The following FBXO3 variants were observed in gnomAD, a reference collection of about 807,000 sequenced individuals.
FBXO3 encodes the protein F-box only protein 3.
In FBXO3, 17 loss-of-function variants were observed where a neutral mutation model predicts 64.8. The ratio of observed to expected loss-of-function variants is 0.26; its 90% CI spans 0.18 to 0.39. FBXO3 has a LOEUF of 0.39. Among genes scored for constraint, FBXO3 ranks in the 10% least tolerant of loss-of-function variants. The pLI, the probability that FBXO3 is intolerant of heterozygous loss-of-function variation, is 1.00. For synonymous variants in FBXO3, 182 were observed against 201.6 expected (o/e 0.90, Z 0.82); for missense variants, 420 against 589.9 (o/e 0.71, Z 2.98).
intron 4 of FBXO3, among the ~76,000 whole-genome samples, chr11:33,758,071 T>C (rs534836866): frequency 6.6e-6 from 1 of 152,336 alleles, no homozygotes; most frequent in Non-Finnish European, 1.5e-5. Context: ...TTTAGTGTAG[T>C]GTATGCAGCT....
At chr11:33,763,319 AGGCCAAAC>A (rs1564992973) in intron 3 of FBXO3, 1 of 437,624 alleles carries the variant, frequency 2.3e-6, no homozygotes, top group Non-Finnish European at 4.6e-6. Context: ...GGAAAATTAC[AGGCCAAAC>A]TCTCATGAAC....
intron 10 of FBXO3, 65 bp downstream of exon 10, chr11:33,747,065 G>C: frequency 6.3e-7 from 1 of 1,578,814 alleles, no homozygotes; most frequent in Admixed American, 2.1e-5. Flanking sequence ...CTATTTGCCT[G>C]GCTTATCTGC....
At chr11:33,746,540 T>G (rs7120610) in intron 10 of FBXO3, 156,912 of 605,472 alleles carry the variant, frequency 0.26, 21,613 homozygotes, top group African/African-American at 0.37. Flanking sequence ...TCAATTGCAT[T>G]CTGGGTATAT....
At chr11:33,764,990 A>C (rs995001589) in intron 3 of FBXO3, among the ~76,000 whole-genome samples, 3 of 152,140 alleles carry the variant, frequency 2.0e-5, no homozygotes, top group African/African-American at 4.8e-5. Context: ...AACAAACAAA[A>C]AAAACTGTCA....
At chr11:33,758,641 C>T in intron 3 of FBXO3, 40 bp from the exon 4 acceptor site, 1 of 1,413,482 alleles carries the variant, frequency 7.1e-7, no homozygotes, top group Non-Finnish European at 9.7e-7. Flanking sequence ...GAAGAAACAG[C>T]CTTAAATCTA....
Position 33,741,897 on chromosome 11 carries a change from C to G in FBXO3, c.*11G>C, listed in dbSNP as rs1349280097. On this transcript the variant is annotated 3_prime_UTR_variant, in exon 11 of 11. Transcript: ENST00000265651. Reference sequence around the variant, plus strand: ...AGAATCATCCTAGTGCTTCCATCAGCAGAAGGCTTGCTAAAAAAGGCGTGA... The same window carrying G: ...AGAATCATCCTAGTGCTTCCATCAGGAGAAGGCTTGCTAAAAAAGGCGTGA... The G allele has an allele frequency of 6.2e-7, 1 of 1,607,566 alleles. No individual in the cohort carries two copies. The highest frequency in any genetic ancestry group is 1.3e-5 in the African/African-American group (1 of 74,700).
Position 33,774,448 on chromosome 11 carries a change from G to C in FBXO3, c.50C>G (p.Pro17Arg), listed in dbSNP as rs1855590332. Residue 17 changes from proline (P) to arginine (R), a missense_variant, in exon 1 of 11, where the codon CCC (proline) becomes CGC (arginine). By Grantham distance (103) the Pro-to-Arg change is moderately radical. Coordinates refer to ENST00000265651, the MANE Select transcript of FBXO3 (RefSeq NM_012175.4). ...ETAPLTLESLPTDPLLLILSF... is the reference protein window; with the variant it reads ...ETAPLTLESLRTDPLLLILSF... Reference sequence around the variant, plus strand: ...TAAGATGAGGAGCAGGGGATCGGTGGGCAGCGACTCTAGGGTCAGCGGCGC... The same window carrying C: ...TAAGATGAGGAGCAGGGGATCGGTGCGCAGCGACTCTAGGGTCAGCGGCGC... 6.2e-7 allele frequency: 1 copy of C among 1,601,736 alleles called. No homozygotes were observed. Among genetic ancestry groups the C allele is most frequent in the Non-Finnish European group, 8.5e-7 (1 of 1,174,414 alleles).
In FBXO3 at chr11:33,740,949, AC is replaced by A. The variant is rs1332831063; in HGVS notation, c.*958del. 6.6e-6 allele frequency: 1 copy of A among 152,670 alleles called. No homozygotes were observed. Among genetic ancestry groups the A allele is most frequent in the African/African-American group, 2.4e-5 (1 of 41,468 alleles). The allele number at this position is 152,670 out of a possible 1,614,324, so 9.5% of individuals were successfully genotyped here. On this transcript the variant is annotated 3_prime_UTR_variant, in exon 11 of 11. Coordinates refer to ENST00000265651, the MANE Select transcript of FBXO3 (RefSeq NM_012175.4). Reference sequence around the variant, plus strand: ...CAATTATACAAAATACAGAATTGGAACCAAAATTTGCTTTTAAAATGTGAGT... The same window carrying A: ...CAATTATACAAAATACAGAATTGGAACAAAATTTGCTTTTAAAATGTGAGT...
Position 33,755,815 on chromosome 11 carries a change from C to T in FBXO3, c.634G>A (p.Ala212Thr). The change falls in exon 5 of 11, where the codon GCT (alanine) becomes ACT (threonine). Residue 212 changes from alanine (A) to threonine (T), a missense_variant. Ala to Thr is a moderately conservative substitution (Grantham distance 58). Coordinates refer to ENST00000265651, the MANE Select transcript of FBXO3 (RefSeq NM_012175.4). ...TCATTTTTGTTTCGGCCCTCTGCAG[C>T]TTCCACTGCTATGTACTGACTCAAA... ...TGLSQYIAVE[A>T]AEGRNKNEVF... The T allele has an allele frequency of 1.2e-6, 2 of 1,614,136 alleles. No homozygotes were observed. The highest frequency in any genetic ancestry group is 1.1e-5 in the South Asian group (1 of 91,082).
intron 5 of FBXO3, among the ~76,000 whole-genome samples, chr11:33,754,818 A>C (rs1855051569): frequency 6.7e-6 from 1 of 148,438 alleles, no homozygotes; most frequent in Non-Finnish European, 1.5e-5. Context: ...AGCTCTTTAA[A>C]TATGTAAAAT....
chr11:33,747,460 G>A (rs1219597025), intron 9 of FBXO3, 140 bp from the exon 10 acceptor site: 11 of 655,466 alleles, frequency 1.7e-5, no homozygotes, highest in South Asian at 7.7e-5. Flanking sequence ...AAAAGAAAAT[G>A]TAACAAAATG....
chr11:33,774,323 C>T, intron 1 of FBXO3, 71 bp downstream of exon 1: 2 of 1,305,432 alleles, frequency 1.5e-6, no homozygotes, highest in African/African-American at 1.5e-5. Flanking sequence ...GCGGCCCCGA[C>T]CCCCTTTCCC....
chr11:33,741,918 C>G lies in FBXO3; in HGVS notation c.1406G>C (p.Arg469Pro), dbSNP rs138194845. The G allele has an allele frequency of 1.6e-5, 26 of 1,609,764 alleles. No homozygotes were observed. The highest frequency in any genetic ancestry group is 2.0e-5 in the Non-Finnish European group (24 of 1,177,960). ...TCAGCAGAAGGCTTGCTAAAAAAGG[C>G]GTGAGCAGCGGCGTCTGCGAATGGG... is the stretch of plus-strand genomic sequence containing the variant. ...DVPIRRRRCS[R>P]LF Residue 469 changes from arginine to proline, a missense_variant, in exon 11 of 11, where the codon CGC becomes CCC. Transcript: ENST00000265651.
chr11:33,756,331 C>T (rs1349872011), intron 4 of FBXO3, among the ~76,000 whole-genome samples: 1 of 152,178 alleles, frequency 6.6e-6, no homozygotes, highest in Non-Finnish European at 1.5e-5. Flanking sequence ...GAAGTAAATT[C>T]TCTGATGCTG....
chr11:33,763,220 G>A, intron 3 of FBXO3: 1 of 431,340 alleles, frequency 2.3e-6, no homozygotes. Context: ...ACTCTTCCAG[G>A]GAACAGAAAA....
Position 33,770,758 on chromosome 11 carries a change from T to A in FBXO3, c.177A>T (p.Lys59Asn). 1 of 1,610,972 alleles carries A rather than the reference T, an allele frequency of 6.2e-7. No individual in the cohort carries two copies. The change falls in exon 2 of 11, where the codon AAA becomes AAT. Residue 59 changes from lysine to asparagine, a missense_variant. This residue lies in a region of FBXO3 where 337 missense variants were observed against 518.4 expected (regional missense o/e 0.65). Transcript: ENST00000265651. The stretch of plus-strand genomic sequence containing the variant: ...ATACTCACTCAGATATCAGCCAGTA[T>A]TTTTTGCAATGTCTTCTCCACAGCG... ...HDPLWRRHCKKYWLISEEEKT... is the reference protein window; with the variant it reads ...HDPLWRRHCKNYWLISEEEKT...
At chr11:33,771,096 A>C in intron 1 of FBXO3, 1 of 283,352 alleles carries the variant, frequency 3.5e-6, no homozygotes, top group Non-Finnish European at 6.8e-6. Context: ...CAGACCATAT[A>C]TGCCATTGGA....
chr11:33,760,051 G>C (rs1005911807), intron 3 of FBXO3, among the ~76,000 whole-genome samples: 1 of 152,168 alleles, frequency 6.6e-6, no homozygotes, highest in African/African-American at 2.4e-5. Context: ...TGGCAGAAAG[G>C]TCTATGATAC....
chr11:33,754,299 C>A, intron 6 of FBXO3, 156 bp downstream of exon 6: 1 of 553,924 alleles, frequency 1.8e-6, no homozygotes. Context: ...CTAATGAAAA[C>A]CTAGATGCAG....
Sources: allele counts gnomAD v4.1 joint callset (sites outside exome capture counted in the v4.1 genomes callset), GRCh38; gene constraint gnomAD v4.1.1; regional missense constraint gnomAD v4.1.1; transcripts MANE v1.5; gene names NCBI Gene and HGNC (gene_info 2026-07-23, HGNC 2026-07-21).